The following AFAP1L2 variants were observed in gnomAD, a reference collection of about 807,000 sequenced individuals.
The protein encoded by AFAP1L2 is actin filament associated protein 1 like 2.
Under a neutral mutation model 99.3 loss-of-function variants are expected in AFAP1L2, and 46 were observed. That is an observed-to-expected ratio of 0.46 (90% CI 0.37 to 0.59). AFAP1L2 has a LOEUF of 0.59. Among genes scored for constraint, AFAP1L2 ranks in the 20% least tolerant of loss-of-function variants. The pLI is 0.00. For synonymous variants in AFAP1L2, 397 were observed against 419.1 expected, an observed-to-expected ratio of 0.95 and a Z score of 0.64; for missense variants, 959 against 1,034.9, an observed-to-expected ratio of 0.93 and a Z score of 1.01.
intron 1 of AFAP1L2, among the ~76,000 whole-genome samples, chr10:114,378,662 T>G (rs766686250): frequency 2.4e-4 from 37 of 152,300 alleles, no homozygotes; most frequent in Admixed American, 9.2e-4. Flanking sequence ...GAAATTAAAT[T>G]AGCTGTCCCC....
intron 1 of AFAP1L2, among the ~76,000 whole-genome samples, chr10:114,357,285 A>G (rs1329578964): frequency 6.6e-6 from 1 of 152,080 alleles, no homozygotes; most frequent in Non-Finnish European, 1.5e-5. Context: ...AATTTCTCCA[A>G]CACTGTGGCC....
At chr10:114,283,298 C>T in the AFAP1L2 span, among the ~76,000 whole-genome samples, 1,666 of 141,638 alleles carry the variant, frequency 0.012, 48 homozygotes, top group African/African-American at 0.038. Flanking sequence ...GGCAGGGCAG[C>T]GAGCAGTTAG....
chr10:114,310,959 A>G (rs866730412), intron 7 of AFAP1L2, among the ~76,000 whole-genome samples: 2 of 96,914 alleles, frequency 2.1e-5, no homozygotes, highest in Admixed American at 1.1e-4. Context: ...GCCGCCACCC[A>G]CCCGCCCGCC....
chr10:114,395,008 G>C (rs572672567), intron 1 of AFAP1L2, among the ~76,000 whole-genome samples: 1 of 152,190 alleles, frequency 6.6e-6, no homozygotes, highest in South Asian at 2.1e-4. Flanking sequence ...TAACATCAAC[G>C]GTAGGGACCC....
intron 1 of AFAP1L2, among the ~76,000 whole-genome samples, chr10:114,371,469 T>C (rs12263086): frequency 0.2 from 31,112 of 152,128 alleles, 3,803 homozygotes; most frequent in African/African-American, 0.34. Flanking sequence ...GAAAAAAAGA[T>C]GATTTACCAA....
At chr10:114,290,943 G>A (rs2039532342), downstream of AFAP1L2, among the ~76,000 whole-genome samples, 1 of 152,172 alleles carries the variant, frequency 6.6e-6, no homozygotes, top group African/African-American at 2.4e-5. Flanking sequence ...TCCAACTATG[G>A]CTCCTGTTCA....
At chr10:114,325,082 T>C (rs2046047578) in intron 4 of AFAP1L2, among the ~76,000 whole-genome samples, 1 of 152,232 alleles carries the variant, frequency 6.6e-6, no homozygotes, top group Non-Finnish European at 1.5e-5. Flanking sequence ...ATATAGACCC[T>C]GGAGTTCATG....
chr10:114,313,217 C>G (rs1223773118), intron 7 of AFAP1L2, among the ~76,000 whole-genome samples: 2 of 152,114 alleles, frequency 1.3e-5, no homozygotes, highest in East Asian at 3.9e-4. Flanking sequence ...GGAGGTCCCT[C>G]TGGAACTGGG....
chr10:114,348,561 T>A (rs1367151380), intron 1 of AFAP1L2, among the ~76,000 whole-genome samples: 1 of 152,234 alleles, frequency 6.6e-6, no homozygotes, highest in Non-Finnish European at 1.5e-5. Flanking sequence ...GCTGGGCACT[T>A]CTGCACAGAA....
chr10:114,289,102 G>C, the AFAP1L2 span: 2 of 1,614,148 alleles, frequency 1.2e-6, no homozygotes, highest in South Asian at 1.1e-5. Context: ...TGGCAGCCAG[G>C]TGCAGACTGC....
intron 1 of AFAP1L2, among the ~76,000 whole-genome samples, chr10:114,367,006 A>C (rs2053367326): frequency 6.6e-6 from 1 of 152,116 alleles, no homozygotes; most frequent in Non-Finnish European, 1.5e-5. Flanking sequence ...CACATTTGAC[A>C]AATCGAGCCT....
At chr10:114,404,699 G>T, upstream of AFAP1L2, 1 of 420,506 alleles carries the variant, frequency 2.4e-6, no homozygotes, top group Non-Finnish European at 3.9e-6. Flanking sequence ...GCTGACAGTC[G>T]GCTCTTGAGT....
the AFAP1L2 span, chr10:114,285,043 C>T: frequency 1.6e-4 from 204 of 1,241,940 alleles, no homozygotes; most frequent in Middle Eastern, 2.3e-4. Context: ...TTTCATTGCA[C>T]GCCCTTCCAG....
downstream of AFAP1L2, chr10:114,291,623 A>G (rs2039608605): frequency 5.0e-6 from 1 of 199,532 alleles, no homozygotes; most frequent in African/African-American, 2.4e-5. Context: ...CACACAATCA[A>G]TGCTCGCCAG....
rs772930546 is a variant in AFAP1L2, at chr10:114,315,660, T to A, written c.512A>T (p.Glu171Val). 6.2e-7 allele frequency: 1 copy of A among 1,613,966 alleles called. No homozygotes were observed. Among genetic ancestry groups the A allele is most frequent in the Admixed American group, 1.7e-5 (1 of 60,012 alleles). The change falls in exon 6 of 19, where the codon GAG becomes GTG. Residue 171 changes from glutamate to valine, a missense_variant. Physicochemically the swap from Glu to Val is moderately radical, Grantham distance 121. Transcript: ENST00000304129. ...GCAGATGCGGGCGTCACGCATCAGC[T>A]CGATGCCGGCCTCCGGCGAGGGCCA... Reference protein sequence around the residue: ...YQWPSPEAGIELMRDARICAF... With the variant: ...YQWPSPEAGIVLMRDARICAF...
chr10:114,315,728 G>A lies in AFAP1L2; in HGVS notation c.444C>T (p.Tyr148=), dbSNP rs753096962. ...GEAVSSSYES[Y]DEEDGSKGKS... ...TGCCCTTGCTGCCGTCCTCTTCATC[G>A]TAGGACTCGTAGGAGCTGCTCACAG... Residue 148 remains tyrosine, a synonymous_variant, in exon 6 of 19, where the codon TAC becomes TAT. Coordinates refer to ENST00000304129, the MANE Select transcript of AFAP1L2 (RefSeq NM_001001936.3). The A allele has an allele frequency of 8.1e-6, 13 of 1,613,030 alleles. No individual in the cohort carries two copies. The highest frequency in any genetic ancestry group is 4.5e-5 in the East Asian group (2 of 44,896).
the AFAP1L2 span, among the ~76,000 whole-genome samples, chr10:114,288,782 G>T: frequency 1.1e-4 from 16 of 152,360 alleles, no homozygotes; most frequent in African/African-American, 3.6e-4. Context: ...GGAAAGTGCT[G>T]TTCTGTGGCT....
the AFAP1L2 span, chr10:114,285,913 A>G: frequency 1.3e-6 from 2 of 1,556,316 alleles, no homozygotes; most frequent in East Asian, 2.3e-5. Context: ...ATGGCTTGAC[A>G]GTGGGTGTTG....
Position 114,392,572 on chromosome 10 carries a change from C to T in AFAP1L2, c.16+11868G>A, listed in dbSNP as rs555666830. On this transcript the variant is annotated intron_variant, in intron 1 of 18. Transcript: ENST00000304129. ...AAGGGTGCTTGTGTCAGAAATATAC[C>T]GAATAAAGTCATTAGTGACACCACA... Among the ~76,000 whole-genome samples the T allele has an allele frequency of 5.3e-5, 8 of 152,222 alleles. No individual in the cohort carries two copies. The South Asian group carries it at 8.3e-4, about 16-fold the overall frequency.
Sources: gnomAD v4.1 joint callset for allele counts (sites outside exome capture counted in the v4.1 genomes callset) on GRCh38, gnomAD v4.1.1 for gene constraint, MANE v1.5 for transcripts, NCBI Gene and HGNC (gene_info 2026-07-23, HGNC 2026-07-21) for gene names.